CBFA2T3: variants seen among roughly 807,000 people sequenced by gnomAD.
CBFA2T3 encodes transcriptional corepressor CBFA2T3.
In CBFA2T3, 31 loss-of-function variants were observed where a neutral mutation model predicts 58.6. The observed-to-expected ratio is 0.53, with a 90% CI of 0.40 to 0.71. CBFA2T3 has a LOEUF of 0.71. Among genes scored for constraint, CBFA2T3 ranks in the 30% least tolerant of loss-of-function variants. CBFA2T3 has a pLI of 0.00. For missense variants in CBFA2T3, 1,076 were observed against 963.1 expected, an observed-to-expected ratio of 1.12 and a Z score of -1.55; for synonymous variants, 531 against 421.9, an observed-to-expected ratio of 1.26 and a Z score of -3.17.
intron 1 of CBFA2T3, among the ~76,000 whole-genome samples, chr16:88,967,162 ACCCCCCAGCCCCCGAGG>A (rs1567639449): frequency 5.3e-5 from 3 of 56,514 alleles, no homozygotes; most frequent in Non-Finnish European, 7.5e-5. Context: ...GCACCATGCC[ACCCCCCAGCCCCCGAGG>A]TGCCACTCGG....
At chr16:88,926,359 G>A (rs893008526) in intron 1 of CBFA2T3, among the ~76,000 whole-genome samples, 1 of 152,226 alleles carries the variant, frequency 6.6e-6, no homozygotes, top group Non-Finnish European at 1.5e-5. Flanking sequence ...GGCCCCCCAA[G>A]CGCTCCGAGG....
chr16:88,913,627 C>T (rs1464590172), intron 1 of CBFA2T3, among the ~76,000 whole-genome samples: 1 of 152,210 alleles, frequency 6.6e-6, no homozygotes, highest in Non-Finnish European at 1.5e-5. Flanking sequence ...CGCTACTCCA[C>T]ACCTCATTCC....
intron 1 of CBFA2T3, among the ~76,000 whole-genome samples, chr16:88,955,768 C>G (rs865992554): frequency 9.2e-5 from 2 of 21,694 alleles, no homozygotes; most frequent in Admixed American, 6.7e-4. Context: ...CCTGACCCCA[C>G]CCAAGGCTCC....
rs1251940571 is a variant in CBFA2T3 at position 88,976,934 on chromosome 16, G to C, written c.-127C>G. ...GGGCCAGCTGGGGCGTCCTGGAGTT[G>C]GGCCTCTGTCCCTGGAAAGCCGAGG... On this transcript the variant is annotated 5_prime_UTR_variant, in exon 1 of 12. Coordinates refer to ENST00000268679, the MANE Select transcript of CBFA2T3 (RefSeq NM_005187.6). 8.2e-7 allele frequency: 1 copy of C among 1,224,332 alleles called. No homozygotes were observed. The highest frequency in any genetic ancestry group is 1.1e-6 in the Non-Finnish European group (1 of 894,824). The allele number at this position is 1,224,332 out of a possible 1,614,324, so 75.8% of individuals were successfully genotyped here.
intron 1 of CBFA2T3, among the ~76,000 whole-genome samples, chr16:88,926,493 C>G (rs1298855745): frequency 2.0e-5 from 3 of 152,226 alleles, no homozygotes; most frequent in African/African-American, 7.2e-5. Context: ...TTCTATCTCT[C>G]CTGCTCGGGG....
intron 1 of CBFA2T3, among the ~76,000 whole-genome samples, chr16:88,911,689 G>T (rs750128456): frequency 6.6e-6 from 1 of 152,280 alleles, no homozygotes; most frequent in Non-Finnish European, 1.5e-5. Flanking sequence ...AGAACAGAGC[G>T]CCTGGCCGCT....
intron 3 of CBFA2T3, among the ~76,000 whole-genome samples, chr16:88,895,022 G>A (rs757443936): frequency 6.6e-6 from 1 of 152,192 alleles, no homozygotes; most frequent in Admixed American, 6.5e-5. Context: ...CCTGGGAGGT[G>A]ACCCCTGCTG....
chr16:88,938,485 T>TA (rs1260191230), intron 1 of CBFA2T3: 2 of 152,228 alleles, frequency 1.3e-5, no homozygotes, highest in African/African-American at 4.8e-5. Context: ...ACGGCCCTCG[T>TA]GGGTGTTACA....
chr16:88,941,631 G>A (rs886504180), intron 1 of CBFA2T3: 4 of 146,220 alleles, frequency 2.7e-5, no homozygotes, highest in Admixed American at 2.7e-4. Context: ...GCCGCCTCCT[G>A]CGGGGGGCGG....
chr16:88,899,124 G>C (rs927477278), intron 2 of CBFA2T3, among the ~76,000 whole-genome samples: 6 of 140,246 alleles, frequency 4.3e-5, no homozygotes, highest in African/African-American at 1.6e-4. Flanking sequence ...TTTGCGCCCA[G>C]GGCTGTCACT....
At chr16:88,883,979 C>T (rs556891363) in intron 7 of CBFA2T3, 1 of 152,380 alleles carries the variant, frequency 6.6e-6, no homozygotes, top group East Asian at 1.9e-4. Flanking sequence ...TGAAATGGCT[C>T]CCCCAAATTG....
At chr16:88,942,185 C>T (rs1423075038) in intron 1 of CBFA2T3, among the ~76,000 whole-genome samples, 1 of 152,260 alleles carries the variant, frequency 6.6e-6, no homozygotes, top group South Asian at 2.1e-4. Context: ...GGCCCCCTCC[C>T]CCGCCCGCTT....
intron 1 of CBFA2T3, among the ~76,000 whole-genome samples, chr16:88,935,605 G>C (rs1409901286): frequency 6.6e-6 from 1 of 152,228 alleles, no homozygotes; most frequent in Non-Finnish European, 1.5e-5. Flanking sequence ...CACAGGGCCT[G>C]GGGTCTGGGC....
intron 1 of CBFA2T3, among the ~76,000 whole-genome samples, chr16:88,925,891 C>T (rs16965188): frequency 0.062 from 9,483 of 152,270 alleles, 1,007 homozygotes; most frequent in African/African-American, 0.22. Flanking sequence ...CTACGCCAGA[C>T]GCCATGTGAA....
At chr16:88,899,877 C>G (rs375132683) in intron 2 of CBFA2T3, among the ~76,000 whole-genome samples, 1 of 152,106 alleles carries the variant, frequency 6.6e-6, no homozygotes, top group African/African-American at 2.4e-5. Flanking sequence ...AACACAGCAG[C>G]GGTCTCCCTC....
intron 1 of CBFA2T3, among the ~76,000 whole-genome samples, chr16:88,911,267 G>A (rs1331694198): frequency 6.6e-6 from 1 of 152,228 alleles, no homozygotes; most frequent in Non-Finnish European, 1.5e-5. Context: ...ACGGCACGGG[G>A]TTGCCATGGC....
chr16:88,895,006 C>T (rs1209306367), intron 3 of CBFA2T3, among the ~76,000 whole-genome samples: 3 of 152,194 alleles, frequency 2.0e-5, no homozygotes, highest in Non-Finnish European at 2.9e-5. Context: ...CCATCCTGAC[C>T]TGGCCCCTGG....
At chr16:88,883,617 T>C (rs12445058) in intron 7 of CBFA2T3, 38,114 of 139,474 alleles carry the variant, frequency 0.27, 5,046 homozygotes, top group East Asian at 0.53. Flanking sequence ...GCTGTGCCCA[T>C]GGGAGACGTG....
At chr16:88,897,663 A>T (rs1171158277) in intron 3 of CBFA2T3, among the ~76,000 whole-genome samples, 3 of 152,232 alleles carry the variant, frequency 2.0e-5, no homozygotes, top group Non-Finnish European at 4.4e-5. Flanking sequence ...TACCTGGCCA[A>T]GGTCACCCTG....
Sources: gnomAD v4.1 joint callset for allele counts (sites outside exome capture counted in the v4.1 genomes callset) on GRCh38, gnomAD v4.1.1 for gene constraint, MANE v1.5 for transcripts, NCBI Gene and HGNC (gene_info 2026-07-23, HGNC 2026-07-21) for gene names.